Variants in SNTG2 observed in about 807,000 individuals in gnomAD.
SNTG2 encodes the protein syntrophin gamma 2, also known as gamma-2-syntrophin.
A neutral mutation model predicts 70.9 loss-of-function variants in SNTG2; 74 were observed. That is an observed-to-expected ratio of 1.04 (90% CI 0.86 to 1.27). SNTG2 has a LOEUF of 1.27. Ranked by LOEUF, SNTG2 falls within the 50% of genes most tolerant of loss-of-function variation. The pLI, the probability that SNTG2 is intolerant of heterozygous loss-of-function variation, is 0.00. For synonymous variants in SNTG2, 278 were observed against 273.8 expected (o/e 1.02, Z -0.15); for missense variants, 717 against 690.7 (o/e 1.04, Z -0.43).
chr2:1,299,892 C>A (rs908085155), intron 14 of SNTG2, among the ~76,000 whole-genome samples: 2 of 152,236 alleles, frequency 1.3e-5, no homozygotes, highest in Non-Finnish European at 2.9e-5. Context: ...TAGCCTAGTT[C>A]CAGGCATGCA....
At position 1,092,374 on chromosome 2, in the gene SNTG2, C is replaced by G. The variant is rs187237586; in HGVS notation, c.211-5822C>G. On this transcript the variant is annotated intron_variant, in intron 2 of 16. Transcript: ENST00000308624. ...CCTCCAGGGAAGGGAGGGGGATCGA[C>G]GAGGACCTGGGGAGAGAGCAGGGGG... Among the ~76,000 whole-genome samples, 572 of 152,206 alleles carry G rather than the reference C, an allele frequency of 3.8e-3. 19 individuals carry two copies. The highest frequency in any genetic ancestry group is 0.036 in the Admixed American group (555 of 15,286).
intron 1 of SNTG2, among the ~76,000 whole-genome samples, chr2:1,071,639 A>G (rs1663559579): frequency 5.7e-5 from 3 of 52,246 alleles, no homozygotes; most frequent in Admixed American, 3.7e-4. Flanking sequence ...CTAAAACTTA[A>G]AGTATAATAA....
intron 6 of SNTG2, among the ~76,000 whole-genome samples, chr2:1,151,298 C>T (rs1669479294): frequency 6.6e-6 from 1 of 152,290 alleles, no homozygotes; most frequent in Non-Finnish European, 1.5e-5. Context: ...GACCCTGGTG[C>T]CGGCGGGCTG....
At position 1,012,648 on chromosome 2, in the gene SNTG2, T is replaced by G. The variant is rs1184883915; in HGVS notation, c.72+61580T>G. On this transcript the variant is annotated intron_variant, in intron 1 of 16. Transcript: ENST00000308624. ...TAAGGACAGAGAGAAGGGTGGTCTG[T>G]AGAGGGATTTATAAGGGCAGAGAGA... 6.4e-3 allele frequency among the ~76,000 whole-genome samples: 391 copies of G among 60,708 alleles called. 11 individuals are homozygous for G. Among genetic ancestry groups the G allele is most frequent in the East Asian group, 0.013 (30 of 2,308 alleles). The allele number at this position is 60,708 out of a possible 152,430, so 39.8% of individuals were successfully genotyped here.
At chr2:1,047,446 T>C (rs146104671) in intron 1 of SNTG2, among the ~76,000 whole-genome samples, 191 of 152,326 alleles carry the variant, frequency 1.3e-3, no homozygotes, top group Non-Finnish European at 1.9e-3. Context: ...GTTGCCAGAA[T>C]TCTTGTGCTG....
chr2:1,083,474 C>G (rs1431944541), intron 1 of SNTG2, 44 bp from the exon 2 acceptor site: 57 of 1,610,876 alleles, frequency 3.5e-5, no homozygotes, highest in Non-Finnish European at 4.8e-5. Flanking sequence ...CCCCTGGCTC[C>G]TGCCCTCACA....
intron 14 of SNTG2, among the ~76,000 whole-genome samples, chr2:1,307,312 TTGTGTG>T (rs142934963): frequency 8.6e-5 from 12 of 139,952 alleles, no homozygotes; most frequent in Middle Eastern, 3.9e-3. Context: ...CAGCCCTGCA[TTGTGTG>T]TGTGTGTGTG....
chr2:1,019,051 C>G (rs960291042), intron 1 of SNTG2, among the ~76,000 whole-genome samples: 8 of 152,218 alleles, frequency 5.3e-5, no homozygotes, highest in African/African-American at 1.9e-4. Context: ...AAGGACCTGG[C>G]ATCAGCTCTT....
chr2:1,021,718 C>T (rs1050224273), intron 1 of SNTG2, among the ~76,000 whole-genome samples: 5 of 151,874 alleles, frequency 3.3e-5, no homozygotes, highest in Non-Finnish European at 7.4e-5. Context: ...CTCAAGCAAT[C>T]CTCCCACCCC....
At chr2:969,210 G>A (rs1160229172) in intron 1 of SNTG2, among the ~76,000 whole-genome samples, 1 of 152,100 alleles carries the variant, frequency 6.6e-6, no homozygotes, top group Non-Finnish European at 1.5e-5. Context: ...TTGCTACTCG[G>A]TTCCATTGGC....
At chr2:976,569 G>A (rs1660911013) in intron 1 of SNTG2, among the ~76,000 whole-genome samples, 2 of 152,216 alleles carry the variant, frequency 1.3e-5, no homozygotes, top group Admixed American at 1.3e-4. Context: ...GCATGACAGT[G>A]CTCCGGTGTG....
At chr2:1,154,958 A>ACACC (rs1669764528) in intron 6 of SNTG2, among the ~76,000 whole-genome samples, 1 of 148,276 alleles carries the variant, frequency 6.7e-6, no homozygotes, top group South Asian at 2.2e-4. Context: ...AACTCACACC[A>ACACC]CACACAAAGA....
At chr2:1,152,593 T>C (rs1669584729) in intron 6 of SNTG2, among the ~76,000 whole-genome samples, 1 of 128,042 alleles carries the variant, frequency 7.8e-6, no homozygotes, top group Admixed American at 7.5e-5. Flanking sequence ...TGTGTGCACA[T>C]GTGCATGTGT....
chr2:1,161,742 A>C (rs1670292902), intron 6 of SNTG2: 1 of 152,226 alleles, frequency 6.6e-6, no homozygotes, highest in Non-Finnish European at 1.5e-5. Context: ...GGGATTAAAA[A>C]ATAATAATAA....
Position 1,321,972 on chromosome 2 carries a change from T to C in SNTG2, c.1488+5597T>C, listed in dbSNP as rs368829679. Among the ~76,000 whole-genome samples, 308 of 151,878 alleles carry C rather than the reference T, an allele frequency of 2.0e-3. 1 individual carries two copies. The highest frequency in any genetic ancestry group is 7.1e-3 in the African/African-American group (295 of 41,408). ...TTCTTCTTTCCTTCCCTTCCTTCTC[T>C]TCTCTTTCCATTTTTAAAATTAATA... On this transcript the variant is annotated intron_variant, in intron 16 of 16. Transcript: ENST00000308624.
chr2:1,175,240 G>C (rs1183076591), intron 8 of SNTG2, among the ~76,000 whole-genome samples: 1 of 152,182 alleles, frequency 6.6e-6, no homozygotes, highest in Non-Finnish European at 1.5e-5. Flanking sequence ...CGGCTCACAA[G>C]TAACCAGCAC....
At chr2:1,057,885 A>C (rs1662565908) in intron 1 of SNTG2, among the ~76,000 whole-genome samples, 1 of 152,136 alleles carries the variant, frequency 6.6e-6, no homozygotes, top group South Asian at 2.1e-4. Flanking sequence ...AAAAGATTTA[A>C]AAAAAATTAG....
intron 1 of SNTG2, among the ~76,000 whole-genome samples, chr2:1,040,800 C>T (rs1349408982): frequency 6.6e-6 from 1 of 152,202 alleles, no homozygotes; most frequent in Non-Finnish European, 1.5e-5. Context: ...ATAACTAAAT[C>T]CTCCCTGTCC....
chr2:1,313,954 A>G (rs1346304536), intron 15 of SNTG2, among the ~76,000 whole-genome samples: 1 of 152,234 alleles, frequency 6.6e-6, no homozygotes, highest in Admixed American at 6.5e-5. Context: ...GCAGTGCAAT[A>G]TCAATGGACC....
Sources: gnomAD v4.1 joint callset for allele counts (sites outside exome capture counted in the v4.1 genomes callset) on GRCh38, gnomAD v4.1.1 for gene constraint, MANE v1.5 for transcripts, NCBI Gene and HGNC (gene_info 2026-07-23, HGNC 2026-07-21) for gene names.